Variants in CSTF1 observed in about 807,000 individuals in gnomAD.
The protein encoded by CSTF1 is cleavage stimulation factor subunit 1.
A neutral mutation model predicts 40.9 loss-of-function variants in CSTF1; 2 were observed. The observed-to-expected ratio is 0.05, with a 90% CI of 0.02 to 0.15. The LOEUF (loss-of-function observed/expected upper bound fraction) is 0.15. Ranked by LOEUF, CSTF1 falls within the 10% of genes least tolerant of loss-of-function variation. The pLI, the probability that CSTF1 is intolerant of heterozygous loss-of-function variation, is 1.00. For missense variants in CSTF1, 279 were observed against 558.9 expected (o/e 0.50, Z 5.05); for synonymous variants, 218 against 207.2 (o/e 1.05, Z -0.45).
At position 56,403,463 on chromosome 20, in the gene CSTF1, G is replaced by C. The variant is rs1978559734; in HGVS notation, c.1037-5G>C. The C allele has an allele frequency of 6.2e-7, 1 of 1,613,790 alleles. No individual in the cohort carries two copies. The highest frequency in any genetic ancestry group is 8.5e-7 in the Non-Finnish European group (1 of 1,179,864). On this transcript the variant is annotated splice_region_variant and splice_polypyrimidine_tract_variant and intron_variant, in intron 5 of 5. Coordinates refer to ENST00000217109, the MANE Select transcript of CSTF1 (RefSeq NM_001324.3). ...GAAAGCTATCCCTCTTGCTCTCTGT[G>C]GCAGGCGCGGGTTTAAGTGGACGCC... is the stretch of plus-strand genomic sequence containing the variant.
chr20:56,398,477 A>G (rs966100040), intron 4 of CSTF1, among the ~76,000 whole-genome samples: 5 of 152,234 alleles, frequency 3.3e-5, no homozygotes, highest in African/African-American at 4.8e-5. Context: ...GGCGGAGGCA[A>G]GGATGATCAT....
Position 56,403,830 on chromosome 20 carries a change from T to C in CSTF1, c.*103T>C. On this transcript the variant is annotated 3_prime_UTR_variant, in exon 6 of 6. Transcript: ENST00000217109. ...CCGTGCACCATCCTTGACGTTTTGC[T>C]GCCACCTCTGTCCACATTCTTCTTG... is the stretch of plus-strand genomic sequence containing the variant. The C allele has an allele frequency of 8.8e-7, 1 of 1,142,798 alleles. No homozygotes were observed. The allele number at this position is 1,142,798 out of a possible 1,614,324, so 70.8% of individuals were successfully genotyped here.
chr20:56,403,768 T>A lies in CSTF1; in HGVS notation c.*41T>A. The A allele has an allele frequency of 1.3e-6, 2 of 1,569,132 alleles. No individual in the cohort carries two copies. The highest frequency in any genetic ancestry group is 2.7e-5 in the African/African-American group (2 of 74,386). ...GGGTTCTTTCTCGAGGACTCTACCC[T>A]CCTCCCCCACGTCCTGTCTCAGCTG... On this transcript the variant is annotated 3_prime_UTR_variant, in exon 6 of 6. Transcript: ENST00000217109.
Position 56,399,475 on chromosome 20 carries a change from A to G in CSTF1, c.1036+118A>G. 3.2e-6 allele frequency: 3 copies of G among 940,106 alleles called. No individual in the cohort carries two copies. The South Asian group carries it at 5.1e-5, about 16-fold the overall frequency. The allele number at this position is 940,106 out of a possible 1,614,324, so 58.2% of individuals were successfully genotyped here. A position where few individuals can be genotyped will look rare whatever the true frequency, so the allele number is the denominator to read the frequency against. ...CTATGCATTGAGCAAGGCAGATGTT[A>G]CCCTTTCTTAGATAAGAGGAAACCA... On this transcript the variant is annotated intron_variant, in intron 5 of 5. Coordinates refer to ENST00000217109, the MANE Select transcript of CSTF1 (RefSeq NM_001324.3). This position sits in a 1 kb window ranked among gnomAD's most constrained non-coding sequence, Gnocchi z 4.6.
At position 56,396,438 on chromosome 20, in the gene CSTF1, A is replaced by G. The variant is rs73612600; in HGVS notation, c.169+717A>G. Among the ~76,000 whole-genome samples the G allele has an allele frequency of 4.0e-4, 61 of 152,354 alleles. 1 individual carries two copies. In the East Asian group the frequency reaches 0.011, roughly 28 times the overall value. On this transcript the variant is annotated intron_variant, in intron 2 of 5. Transcript: ENST00000217109. Reference sequence around the variant, plus strand: ...AATATCCATAAAAGTGAATACTATAACATAATTATATAGATGAATATTTAT... The same window carrying G: ...AATATCCATAAAAGTGAATACTATAGCATAATTATATAGATGAATATTTAT...
chr20:56,393,127 T>C (rs1333876967), intron 1 of CSTF1, among the ~76,000 whole-genome samples: 3 of 133,518 alleles, frequency 2.2e-5, no homozygotes, highest in African/African-American at 5.9e-5. Flanking sequence ...AATATATATA[T>C]ATATACACAC....
chr20:56,398,144 T>A lies in CSTF1; in HGVS notation c.645+303T>A, dbSNP rs538338824. On this transcript the variant is annotated intron_variant, in intron 4 of 5. Transcript: ENST00000217109. ...AAACACGACCAGCTTCACTAATATATAACTTAGAGGAATAAAAAAAAAGTT... is the reference window on the plus strand; with the variant it reads ...AAACACGACCAGCTTCACTAATATAAAACTTAGAGGAATAAAAAAAAAGTT... 8.9e-4 allele frequency among the ~76,000 whole-genome samples: 136 copies of A among 152,300 alleles called. 1 individual carries two copies. Among genetic ancestry groups the A allele is most frequent in the African/African-American group, 3.2e-3 (131 of 41,564 alleles).
At position 56,392,702 on chromosome 20, in the gene CSTF1, C is replaced by G. The variant is rs1987295420; in HGVS notation, c.-44C>G. 3 of 152,194 alleles carry G rather than the reference C, an allele frequency of 2.0e-5. No individual in the cohort carries two copies. The highest frequency in any genetic ancestry group is 6.5e-5 in the Admixed American group (1 of 15,276). 9.4% of individuals were successfully genotyped at this position (152,194 alleles called of 1,614,324 possible). A position where few individuals can be genotyped will look rare whatever the true frequency, so the allele number is the denominator to read the frequency against. On this transcript the variant is annotated 5_prime_UTR_variant, in exon 1 of 6. Transcript: ENST00000217109. ...AGGAGAGAGCGGGATACCAAGAGAA[C>G]CGGACCAGCTGGTACTGGGACACGG...
chr20:56,398,943 G>A (rs1460507884), intron 4 of CSTF1, 24 bp from the exon 5 acceptor site: 6 of 1,567,662 alleles, frequency 3.8e-6, no homozygotes, highest in African/African-American at 1.4e-5. Context: ...TTGGTCACTT[G>A]TATTAATGTC....
Position 56,404,017 on chromosome 20 carries a change from G to A in CSTF1, c.*290G>A. 3.1e-6 allele frequency: 1 copy of A among 324,336 alleles called. No homozygotes were observed. 20.1% of individuals were successfully genotyped at this position (324,336 alleles called of 1,614,324 possible). On this transcript the variant is annotated 3_prime_UTR_variant, in exon 6 of 6. Coordinates refer to ENST00000217109, the MANE Select transcript of CSTF1 (RefSeq NM_001324.3). ...CGTTTCTTTTGATCTCTTGATTGAA[G>A]GAGGATAGGGCATTAAAGTGCTTTT...
Position 56,403,742 on chromosome 20 carries a change from A to G in CSTF1, c.*15A>G, listed in dbSNP as rs1569121691. ...CCACTGACTGAGCCACCCTCTCCGTAGGGTTCTTTCTCGAGGACTCTACCC... is the reference window on the plus strand; with the variant it reads ...CCACTGACTGAGCCACCCTCTCCGTGGGGTTCTTTCTCGAGGACTCTACCC... On this transcript the variant is annotated 3_prime_UTR_variant, in exon 6 of 6. Coordinates refer to ENST00000217109, the MANE Select transcript of CSTF1 (RefSeq NM_001324.3). The G allele has an allele frequency of 1.5e-5, 24 of 1,603,600 alleles. No homozygotes were observed. Among genetic ancestry groups the G allele is most frequent in the Non-Finnish European group, 1.9e-5 (22 of 1,171,874 alleles).
intron 5 of CSTF1, among the ~76,000 whole-genome samples, chr20:56,400,806 C>T (rs535860210): frequency 7.2e-5 from 11 of 152,188 alleles, no homozygotes; most frequent in African/African-American, 1.4e-4. Flanking sequence ...TTTGGGAGGC[C>T]GAGGTGGGCA....
rs1978319020 is a variant in CSTF1, at chr20:56,397,947, C to T, written c.645+106C>T. On this transcript the variant is annotated intron_variant, in intron 4 of 5. Coordinates refer to ENST00000217109, the MANE Select transcript of CSTF1 (RefSeq NM_001324.3). This position sits in a 1 kb window ranked among gnomAD's most constrained non-coding sequence, Gnocchi z 4.4. ...GTCTCAGTGATCATCCTGTAAGATG[C>T]GTACAGACCAGGATGCATGCCCGAT... The T allele has an allele frequency of 3.3e-6, 3 of 901,686 alleles. No individual in the cohort carries two copies. Among genetic ancestry groups the T allele is most frequent in the South Asian group, 3.3e-5 (2 of 61,510 alleles). 55.9% of individuals were successfully genotyped at this position (901,686 alleles called of 1,614,324 possible). A position where few individuals can be genotyped will look rare whatever the true frequency, so the allele number is the denominator to read the frequency against.
intron 5 of CSTF1, among the ~76,000 whole-genome samples, chr20:56,400,253 C>G (rs147303438): frequency 1.3e-5 from 2 of 152,228 alleles, no homozygotes; most frequent in African/African-American, 4.8e-5. Flanking sequence ...TCATTGTAAC[C>G]AAAGTTCCCT....
In CSTF1 at chr20:56,397,751, A is replaced by G. The variant is rs201966295; in HGVS notation, c.555A>G (p.Glu185=). The G allele has an allele frequency of 1.2e-5, 20 of 1,614,208 alleles. No individual in the cohort carries two copies. In the African/African-American group the frequency reaches 2.3e-4, roughly 18 times the overall value. Residue 185 remains glutamate (E), a synonymous_variant, in exon 4 of 6, where the codon GAA becomes GAG. Transcript: ENST00000217109. The surrounding 1 kb of genome is among the most constrained non-coding windows in gnomAD (Gnocchi z 4.4). ...CGTGCCTTGCTTTCCACCCAACAGA[A>G]CAGATCCTGGCTTCTGGTTCAAGGG... ...EVTCLAFHPT[E]QILASGSRDY...
chr20:56,398,270 G>A (rs1312900010), intron 4 of CSTF1, among the ~76,000 whole-genome samples: 3 of 152,184 alleles, frequency 2.0e-5, no homozygotes, highest in Non-Finnish European at 2.9e-5. Context: ...GCTTCTGTCT[G>A]TTTGATAATT....
intron 5 of CSTF1, among the ~76,000 whole-genome samples, chr20:56,402,228 A>G (rs1241524364): frequency 2.0e-5 from 3 of 151,546 alleles, no homozygotes; most frequent in Admixed American, 1.3e-4. Context: ...AATCTCTTGA[A>G]CCCAGGAGGC....
At chr20:56,401,515 T>C (rs2146248045) in intron 5 of CSTF1, among the ~76,000 whole-genome samples, 1 of 152,334 alleles carries the variant, frequency 6.6e-6, no homozygotes, top group East Asian at 1.9e-4. Flanking sequence ...ATCAAAATTT[T>C]AAATACACGC....
rs2146251237 is a variant in CSTF1, at chr20:56,404,154, C to CT, written c.*428dup. ...TGAACAGATAAGCAGGCATGCAGCT[C>CT]TGAGACTCCTGAGTTTTATGCCATT... On this transcript the variant is annotated 3_prime_UTR_variant, in exon 6 of 6. Transcript: ENST00000217109. The CT allele has an allele frequency of 6.3e-6, 1 of 158,144 alleles. No individual in the cohort carries two copies. The highest frequency in any genetic ancestry group is 2.4e-5 in the African/African-American group (1 of 41,698). The allele number at this position is 158,144 out of a possible 1,614,324, so 9.8% of individuals were successfully genotyped here.
Sources: allele counts gnomAD v4.1 joint callset (sites outside exome capture counted in the v4.1 genomes callset), GRCh38; gene constraint gnomAD v4.1.1; non-coding constraint Gnocchi (gnomAD v3.1); transcripts MANE v1.5; gene names NCBI Gene and HGNC (gene_info 2026-07-23, HGNC 2026-07-21).